Variants in ANKRD22 observed in about 807,000 individuals in gnomAD.
ANKRD22 encodes the protein ankyrin repeat domain 22.
Under a neutral mutation model 25.7 loss-of-function variants are expected in ANKRD22, and 24 were observed. That is an observed-to-expected ratio of 0.93 (90% confidence interval 0.68 to 1.31). The LOEUF (loss-of-function observed/expected upper bound fraction) is 1.31, where lower values mean the gene tolerates loss of function less well. ANKRD22 is among the 50% of genes most tolerant of loss of function. The pLI is 0.00. For synonymous variants in ANKRD22, 84 were observed against 84.3 expected (o/e 1.00, Z 0.02); for missense variants, 214 against 227.1 (o/e 0.94, Z 0.37).
intron 1 of ANKRD22, among the ~76,000 whole-genome samples, chr10:88,840,009 G>A (rs1042870578): frequency 1.3e-5 from 2 of 152,116 alleles, no homozygotes; most frequent in Non-Finnish European, 2.9e-5. Flanking sequence ...AAAGGTAAAA[G>A]AAACAAGCCC....
chr10:88,847,551 G>T (rs887127127), intron 1 of ANKRD22, among the ~76,000 whole-genome samples: 15 of 151,930 alleles, frequency 9.9e-5, no homozygotes, highest in African/African-American at 3.6e-4. Flanking sequence ...GAGCCACTGC[G>T]CCTGGCCTCA....
At chr10:88,832,512 T>C (rs1296120777) in intron 1 of ANKRD22, among the ~76,000 whole-genome samples, 2 of 145,972 alleles carry the variant, frequency 1.4e-5, no homozygotes. Context: ...AAAATGTCTT[T>C]ATCTTTATCT....
chr10:88,830,948 C>T (rs929117128), intron 2 of ANKRD22, among the ~76,000 whole-genome samples: 4 of 152,166 alleles, frequency 2.6e-5, no homozygotes, highest in Non-Finnish European at 4.4e-5. Flanking sequence ...TGCTTTTAAT[C>T]GCAACCAAAC....
rs575953969 is a variant in ANKRD22, at chr10:88,831,130, A to C, written c.213+705T>G. Among the ~76,000 whole-genome samples, 4 of 152,234 alleles carry C rather than the reference A, an allele frequency of 2.6e-5. No individual in the cohort carries two copies. The South Asian group carries it at 8.3e-4, about 32-fold the overall frequency. ...GGTACAGGACAGTCATAATGATTGC[A>C]AAAAAATGGCTTAATATTTATTCAG... On this transcript the variant is annotated intron_variant, in intron 2 of 5. Coordinates refer to ENST00000371930, the MANE Select transcript of ANKRD22 (RefSeq NM_144590.3).
chr10:88,843,960 GA>G (rs1359276073), intron 1 of ANKRD22, among the ~76,000 whole-genome samples: 1 of 151,990 alleles, frequency 6.6e-6, no homozygotes, highest in Non-Finnish European at 1.5e-5. Context: ...TAACACATAG[GA>G]CTCTCAAATC....
Position 88,822,870 on chromosome 10 carries a change from C to T in ANKRD22, c.*71G>A. 1 of 1,432,428 alleles carries T rather than the reference C, an allele frequency of 7.0e-7. No individual in the cohort carries two copies. Among genetic ancestry groups the T allele is most frequent in the African/African-American group, 1.4e-5 (1 of 70,572 alleles). The allele number at this position is 1,432,428 out of a possible 1,614,324, so 88.7% of individuals were successfully genotyped here. A position where few individuals can be genotyped will look rare whatever the true frequency, so the allele number is the denominator to read the frequency against. On this transcript the variant is annotated 3_prime_UTR_variant, in exon 6 of 6. Transcript: ENST00000371930. ...CATCCAGGTTAAATGGCCCACAGAC[C>T]AAAAGTCTAAAATGAAGATAGAATC...
intron 1 of ANKRD22, among the ~76,000 whole-genome samples, chr10:88,839,813 G>T (rs182104788): frequency 2.0e-5 from 3 of 152,082 alleles, no homozygotes; most frequent in Admixed American, 6.6e-5. Context: ...ACAATATTTC[G>T]CCTCAGTGGT....
intron 3 of ANKRD22, among the ~76,000 whole-genome samples, chr10:88,828,179 A>G (rs1325059483): frequency 6.6e-6 from 1 of 152,240 alleles, no homozygotes; most frequent in Non-Finnish European, 1.5e-5. Context: ...GAGTACTTAA[A>G]AATCAGTAAG....
At chr10:88,850,567 G>C (rs563669425) in intron 1 of ANKRD22, among the ~76,000 whole-genome samples, 3 of 152,062 alleles carry the variant, frequency 2.0e-5, no homozygotes, top group African/African-American at 7.2e-5. Context: ...CTCTGGGTTG[G>C]AGTCCCTTGA....
chr10:88,832,670 C>G (rs1472069286), intron 1 of ANKRD22, among the ~76,000 whole-genome samples: 1 of 152,154 alleles, frequency 6.6e-6, no homozygotes, highest in Non-Finnish European at 1.5e-5. Flanking sequence ...GCAGAAAAGA[C>G]AGTTTTTTAG....
chr10:88,851,011 A>G (rs763699361), intron 1 of ANKRD22, among the ~76,000 whole-genome samples: 1 of 152,158 alleles, frequency 6.6e-6, no homozygotes, highest in Non-Finnish European at 1.5e-5. Flanking sequence ...TTTGATTCTA[A>G]TAAGTTACTT....
rs1843799379 is a variant in ANKRD22 at position 88,821,867 on chromosome 10, A to G, written c.*1074T>C. Among the ~76,000 whole-genome samples the G allele has an allele frequency of 6.6e-6, 1 of 152,222 alleles. No individual in the cohort carries two copies. The highest frequency in any genetic ancestry group is 1.5e-5 in the Non-Finnish European group (1 of 68,034). ...TTTATTTCTACTCTGTGTCATTCAC[A>G]GAAGAAGTGAGACAGATATTTTGAT... On this transcript the variant is annotated 3_prime_UTR_variant, in exon 6 of 6. Coordinates refer to ENST00000371930, the MANE Select transcript of ANKRD22 (RefSeq NM_144590.3).
At position 88,828,588 on chromosome 10, in the gene ANKRD22, G is replaced by C. The variant is rs756105933; in HGVS notation, c.292C>G (p.Pro98Ala). ...AGGAAATACCCAATAAGCAGAACAG[G>C]CATTAAGAGGATAATTAGTAGATAA... ...IDYLLIILLM[P>A]VLLIGYFLMV... The change falls in exon 3 of 6, where the codon CCT (proline) becomes GCT (alanine). Residue 98 changes from proline to alanine, a missense_variant. Physicochemically the swap from Pro to Ala is conservative, Grantham distance 27. Transcript: ENST00000371930. 5.0e-6 allele frequency: 8 copies of C among 1,609,854 alleles called. No individual in the cohort carries two copies. The East Asian group carries it at 1.6e-4, about 31-fold the overall frequency.
chr10:88,826,459 G>T (rs1391542153), intron 3 of ANKRD22, among the ~76,000 whole-genome samples: 1 of 152,116 alleles, frequency 6.6e-6, no homozygotes, highest in Non-Finnish European at 1.5e-5. Context: ...TTGCTCTGAG[G>T]ACAAAAGTAA....
Position 88,820,357 on chromosome 10 carries a change from C to T in ANKRD22, c.*2584G>A. The T allele has an allele frequency of 6.4e-7, 1 of 1,552,320 alleles. No individual in the cohort carries two copies. The highest frequency in any genetic ancestry group is 8.7e-7 in the Non-Finnish European group (1 of 1,147,126). The stretch of plus-strand genomic sequence containing the variant: ...TGCTCTCTGAGGTGACCAACCTCAT[C>T]TACCATAAGAATATTCCTGAATGGG... On this transcript the variant is annotated 3_prime_UTR_variant, in exon 6 of 6. Coordinates refer to ENST00000371930, the MANE Select transcript of ANKRD22 (RefSeq NM_144590.3).
intron 1 of ANKRD22, among the ~76,000 whole-genome samples, chr10:88,850,535 C>T (rs897474800): frequency 6.6e-6 from 1 of 152,096 alleles, no homozygotes; most frequent in Admixed American, 6.6e-5. Flanking sequence ...TGTATCCTAC[C>T]ATAGACTGAG....
chr10:88,826,041 A>G lies in ANKRD22; in HGVS notation c.396T>C (p.Asp132=). 2 of 1,609,896 alleles carry G rather than the reference A, an allele frequency of 1.2e-6. No homozygotes were observed. Among genetic ancestry groups the G allele is most frequent in the Non-Finnish European group, 1.7e-6 (2 of 1,177,300 alleles). ...ATGGCTAAAAGTATAAACTTACACA[A>G]TCTGTAGCATTAACTTCGACGCCAG... The part of the protein sequence containing the change: ...LDAGVEVNAT[D]CYGCTALHYA... The change falls in exon 4 of 6, where the codon GAT becomes GAC. Residue 132 remains aspartate, a synonymous_variant. Coordinates refer to ENST00000371930, the MANE Select transcript of ANKRD22 (RefSeq NM_144590.3).
intron 2 of ANKRD22, among the ~76,000 whole-genome samples, chr10:88,830,136 C>T (rs1164930512): frequency 6.6e-6 from 1 of 152,154 alleles, no homozygotes; most frequent in African/African-American, 2.4e-5. Context: ...ATTGCCTGAA[C>T]CTGCTCATTC....
intron 1 of ANKRD22, among the ~76,000 whole-genome samples, chr10:88,840,453 C>T (rs1441525972): frequency 6.6e-6 from 1 of 152,112 alleles, no homozygotes; most frequent in East Asian, 1.9e-4. Flanking sequence ...CAAAGCTTCC[C>T]CCAAATTACC....
Sources: allele counts gnomAD v4.1 joint callset (sites outside exome capture counted in the v4.1 genomes callset), GRCh38; gene constraint gnomAD v4.1.1; transcripts MANE v1.5; gene names NCBI Gene and HGNC (gene_info 2026-07-23, HGNC 2026-07-21).